The following ZBTB43 variants were observed in gnomAD, a reference collection of about 807,000 sequenced individuals.
The protein encoded by ZBTB43 is zinc finger and BTB domain containing 43, also known as zinc finger and BTB domain-containing protein 43.
In ZBTB43, 6 loss-of-function variants were observed where a neutral mutation model predicts 31.1. The observed-to-expected ratio is 0.19, with a 90% CI of 0.11 to 0.38. The LOEUF (loss-of-function observed/expected upper bound fraction) is 0.38. Ranked by LOEUF, ZBTB43 falls within the 10% of genes least tolerant of loss-of-function variation. The pLI is 1.00. For missense variants in ZBTB43, 379 were observed against 602.1 expected (o/e 0.63, Z 3.88); for synonymous variants, 212 against 221.7 (o/e 0.96, Z 0.39).
In ZBTB43 at chr9:126,837,954, G is replaced by T. The variant is rs1020277352; in HGVS notation, c.*4041G>T. ...CCAGAAAAGTACTTTATTTATGCAA[G>T]TCAGGTGACTCTTAGGCCACAAAAC... On this transcript the variant is annotated 3_prime_UTR_variant, in exon 3 of 3. Coordinates refer to ENST00000373464, the MANE Select transcript of ZBTB43 (RefSeq NM_014007.4). The T allele has an allele frequency of 2.4e-5, 4 of 166,448 alleles. No homozygotes were observed. Among genetic ancestry groups the T allele is most frequent in the South Asian group, 2.1e-4 (1 of 4,808 alleles). The allele number at this position is 166,448 out of a possible 1,614,324, so 10.3% of individuals were successfully genotyped here.
At position 126,832,695 on chromosome 9, in the gene ZBTB43, A is replaced by G; in HGVS notation, c.186A>G (p.Val62=). The part of the protein sequence containing the change: ...AASSPYFCDQ[V]LLKNSRRIVL... ...GTTCACCCTACTTTTGTGACCAGGT[A>G]CTCCTGAAAAACAGCAGGAGAATTG... The change falls in exon 3 of 3, where the codon GTA becomes GTG. Residue 62 remains valine, a synonymous_variant. Coordinates refer to ENST00000373464, the MANE Select transcript of ZBTB43 (RefSeq NM_014007.4). 1 of 1,614,024 alleles carries G rather than the reference A, an allele frequency of 6.2e-7. No homozygotes were observed. The highest frequency in any genetic ancestry group is 8.5e-7 in the Non-Finnish European group (1 of 1,180,020).
At chr9:126,814,794 AAAAG>A (rs531013487) in intron 2 of ZBTB43, among the ~76,000 whole-genome samples, 15 of 152,216 alleles carry the variant, frequency 9.9e-5, no homozygotes, top group Non-Finnish European at 1.6e-4. Context: ...CTCTGTCTAA[AAAAG>A]AAAGAAAGAA....
chr9:126,807,959 A>G (rs142989816), intron 1 of ZBTB43, among the ~76,000 whole-genome samples: 2,107 of 152,208 alleles, frequency 0.014, 53 homozygotes, highest in African/African-American at 0.048. Context: ...TTTCAACTCT[A>G]TTTATATTTG....
At chr9:126,830,852 T>G (rs1337605776) in intron 2 of ZBTB43, among the ~76,000 whole-genome samples, 1 of 152,064 alleles carries the variant, frequency 6.6e-6, no homozygotes, top group Non-Finnish European at 1.5e-5. Context: ...AATGCTTGAC[T>G]TACCCCACAG....
At chr9:126,821,252 TG>T (rs2032503019) in intron 2 of ZBTB43, among the ~76,000 whole-genome samples, 1 of 151,960 alleles carries the variant, frequency 6.6e-6, no homozygotes, top group African/African-American at 2.4e-5. Flanking sequence ...GTCACATGCC[TG>T]TAATCCCAGC....
At chr9:126,819,279 A>ATTTTTTTTTTT (rs71377975) in intron 2 of ZBTB43, among the ~76,000 whole-genome samples, 1 of 100,196 alleles carries the variant, frequency 1.0e-5, no homozygotes, top group Non-Finnish European at 2.0e-5. Flanking sequence ...CGGATATTGC[A>ATTTTTTTTTTT]TTTTTTTTTT....
rs376271351 is a variant in ZBTB43 at position 126,833,386 on chromosome 9, A to G, written c.877A>G (p.Ile293Val). Residue 293 changes from isoleucine to valine, a missense_variant, in exon 3 of 3, where the codon ATC becomes GTC. Physicochemically the swap from Ile to Val is conservative, Grantham distance 29. This residue lies in a region of ZBTB43 where 253 missense variants were observed against 322.3 expected (regional missense o/e 0.79). Transcript: ENST00000373464. This position sits in a 1 kb window ranked among gnomAD's most constrained non-coding sequence, Gnocchi z 7.9. Reference protein sequence around the residue: ...QPSGVEEDFHIGEKKVEAEFD... With the variant: ...QPSGVEEDFHVGEKKVEAEFD... ...TTCGGGAGTGGAGGAGGACTTCCACATCGGGGAGAAGAAAGTGGAAGCTGA... is the reference window on the plus strand; with the variant it reads ...TTCGGGAGTGGAGGAGGACTTCCACGTCGGGGAGAAGAAAGTGGAAGCTGA... 6.8e-6 allele frequency: 11 copies of G among 1,613,784 alleles called. No homozygotes were observed. The highest frequency in any genetic ancestry group is 4.4e-5 in the South Asian group (4 of 91,020).
At position 126,836,270 on chromosome 9, in the gene ZBTB43, GCAGT is replaced by G. The variant is rs1172989802; in HGVS notation, c.*2362_*2365del. 1 of 167,140 alleles carries G rather than the reference GCAGT, an allele frequency of 6.0e-6. No homozygotes were observed. Among genetic ancestry groups the G allele is most frequent in the African/African-American group, 2.4e-5 (1 of 41,476 alleles). 10.4% of individuals were successfully genotyped at this position (167,140 alleles called of 1,614,324 possible). On this transcript the variant is annotated 3_prime_UTR_variant, in exon 3 of 3. Coordinates refer to ENST00000373464, the MANE Select transcript of ZBTB43 (RefSeq NM_014007.4). The stretch of plus-strand genomic sequence containing the variant: ...GCACGCTTGGGTGGTAGTTTTGGAA[GCAGT>G]CAGTTGTGCTAGGACTTATTTAATA...
At chr9:126,832,429 G>A in intron 2 of ZBTB43, 58 bp from the exon 3 acceptor site, 2 of 1,461,284 alleles carry the variant, frequency 1.4e-6, no homozygotes, top group Non-Finnish European at 9.2e-7. Context: ...ATGGAGGAGG[G>A]GATAAAATAA....
At chr9:126,823,820 C>G (rs749218244) in intron 2 of ZBTB43, among the ~76,000 whole-genome samples, 2 of 152,166 alleles carry the variant, frequency 1.3e-5, no homozygotes, top group Non-Finnish European at 2.9e-5. Flanking sequence ...AAACTTTTAA[C>G]AACTTACCTT....
intron 2 of ZBTB43, among the ~76,000 whole-genome samples, chr9:126,814,067 G>A (rs1420677380): frequency 2.0e-5 from 3 of 152,110 alleles, no homozygotes; most frequent in Non-Finnish European, 1.5e-5. Flanking sequence ...ATTGATAGCT[G>A]TCTAAACCTA....
intron 2 of ZBTB43, among the ~76,000 whole-genome samples, chr9:126,824,223 C>T (rs556520016): frequency 1.6e-4 from 24 of 152,294 alleles, no homozygotes; most frequent in Admixed American, 1.5e-3. Context: ...AATGGGGTTT[C>T]ACTTTGTTGA....
At chr9:126,809,731 T>C (rs990901053) in intron 2 of ZBTB43, among the ~76,000 whole-genome samples, 1 of 152,220 alleles carries the variant, frequency 6.6e-6, no homozygotes, top group Non-Finnish European at 1.5e-5. Flanking sequence ...GCCAAATAGC[T>C]TTTAAGAAGC....
chr9:126,825,693 G>C (rs1564204808), intron 2 of ZBTB43, among the ~76,000 whole-genome samples: 1 of 151,976 alleles, frequency 6.6e-6, no homozygotes, highest in Non-Finnish European at 1.5e-5. Flanking sequence ...CCTCCTAAAG[G>C]CTCTACTTGT....
At position 126,833,811 on chromosome 9, in the gene ZBTB43, A is replaced by C; in HGVS notation, c.1302A>C (p.Ala434=). The part of the protein sequence containing the change: ...GIKPYECNIC[A]KRFMWRDSFH... The stretch of plus-strand genomic sequence containing the variant: ...AGCCGTATGAGTGTAATATCTGTGC[A>C]AAGAGGTTTATGTGGAGGGACAGTT... Residue 434 remains alanine (A), a synonymous_variant, in exon 3 of 3, where the codon GCA becomes GCC. Coordinates refer to ENST00000373464, the MANE Select transcript of ZBTB43 (RefSeq NM_014007.4). This position sits in a 1 kb window ranked among gnomAD's most constrained non-coding sequence, Gnocchi z 7.9. 6.2e-7 allele frequency: 1 copy of C among 1,608,850 alleles called. No individual in the cohort carries two copies. The highest frequency in any genetic ancestry group is 1.3e-5 in the African/African-American group (1 of 74,960).
chr9:126,817,767 C>T (rs541970315), intron 2 of ZBTB43, among the ~76,000 whole-genome samples: 74 of 152,268 alleles, frequency 4.9e-4, no homozygotes, highest in Middle Eastern at 3.4e-3. Context: ...TGAGCCACTG[C>T]GCCTGGCCCC....
upstream of ZBTB43, among the ~76,000 whole-genome samples, chr9:126,804,401 T>A (rs978727508): frequency 1.3e-5 from 2 of 152,124 alleles, no homozygotes; most frequent in Admixed American, 1.3e-4. Context: ...TTGGAGATAA[T>A]CTCCGCCAGG....
At chr9:126,808,167 A>G (rs960387501) in intron 1 of ZBTB43, among the ~76,000 whole-genome samples, 10 of 152,166 alleles carry the variant, frequency 6.6e-5, no homozygotes, top group Non-Finnish European at 1.2e-4. Context: ...TTGAAATTCA[A>G]TGGAAGGATG....
rs148844090 is a variant in ZBTB43 at position 126,805,612 on chromosome 9, T to C, written c.-147+480T>C. Among the ~76,000 whole-genome samples, 6 of 152,368 alleles carry C rather than the reference T, an allele frequency of 3.9e-5. No individual in the cohort carries two copies. In the East Asian group the frequency reaches 9.6e-4, roughly 24 times the overall value. On this transcript the variant is annotated intron_variant, in intron 1 of 2. Coordinates refer to ENST00000373464, the MANE Select transcript of ZBTB43 (RefSeq NM_014007.4). The stretch of plus-strand genomic sequence containing the variant: ...CCCCTGTTGCTGTCTCTGTCACCTG[T>C]TGTAACCTGCCCTTTTTGTCTTTCA...
Sources: gnomAD v4.1 joint callset for allele counts (sites outside exome capture counted in the v4.1 genomes callset) on GRCh38, gnomAD v4.1.1 for gene constraint, gnomAD v4.1.1 regional missense constraint, Gnocchi (gnomAD v3.1) non-coding constraint, MANE v1.5 for transcripts, NCBI Gene and HGNC (gene_info 2026-07-23, HGNC 2026-07-21) for gene names.